Variants in TRDN observed in about 807,000 individuals in gnomAD.
The protein encoded by TRDN is triadin in skeletal muscle.
A neutral mutation model predicts 149.7 loss-of-function variants in TRDN; 161 were observed. The observed-to-expected ratio is 1.08, with a 90% CI of 0.95 to 1.23. The LOEUF (loss-of-function observed/expected upper bound fraction) is 1.23. TRDN is among the 50% of genes most tolerant of loss of function. The pLI is 0.00. For synonymous variants in TRDN, 294 were observed against 250.5 expected (o/e 1.17, Z -1.64); for missense variants, 896 against 823.5 (o/e 1.09, Z -1.08).
At chr6:123,275,718 C>T (rs1777346741) in intron 26 of TRDN, among the ~76,000 whole-genome samples, 1 of 152,016 alleles carries the variant, frequency 6.6e-6, no homozygotes. Context: ...GCCTAGATTG[C>T]TTTGAAGAGA....
At chr6:123,385,903 A>G (rs1012323491) in intron 14 of TRDN, among the ~76,000 whole-genome samples, 4 of 152,144 alleles carry the variant, frequency 2.6e-5, no homozygotes, top group African/African-American at 9.7e-5. Context: ...ATAACTTCCC[A>G]AACCTAAAAA....
chr6:123,243,243 G>C (rs1776054783), intron 38 of TRDN, among the ~76,000 whole-genome samples: 1 of 152,146 alleles, frequency 6.6e-6, no homozygotes, highest in Admixed American at 6.5e-5. Context: ...ACTGTGTTCT[G>C]CCCTGGGGCT....
intron 19 of TRDN, among the ~76,000 whole-genome samples, chr6:123,368,472 G>C (rs1781199378): frequency 3.9e-5 from 6 of 152,198 alleles, no homozygotes; most frequent in Admixed American, 3.9e-4. Context: ...GATATCTGGA[G>C]TGGGCAACAG....
intron 1 of TRDN, among the ~76,000 whole-genome samples, chr6:123,584,204 A>C (rs1374012049): frequency 3.3e-5 from 5 of 152,174 alleles, no homozygotes; most frequent in Non-Finnish European, 7.3e-5. Context: ...GAACAATGGT[A>C]ATTGTGGGAC....
chr6:123,279,990 A>G (rs1206633813), intron 24 of TRDN, among the ~76,000 whole-genome samples: 4 of 152,190 alleles, frequency 2.6e-5, no homozygotes, highest in Non-Finnish European at 4.4e-5. Context: ...ATTGAACATC[A>G]GACAACAAAG....
chr6:123,501,833 T>C (rs929025433), intron 8 of TRDN: 21 of 900,010 alleles, frequency 2.3e-5, no homozygotes, highest in Middle Eastern at 5.6e-4. Context: ...AGGGATATGG[T>C]AATATAATGC....
At chr6:123,552,862 CA>C (rs1157432823) in intron 2 of TRDN, among the ~76,000 whole-genome samples, 1 of 152,056 alleles carries the variant, frequency 6.6e-6, no homozygotes. Context: ...CTTGCTTTCC[CA>C]AAGTCACTAT....
intron 1 of TRDN, among the ~76,000 whole-genome samples, chr6:123,622,756 C>G (rs914687470): frequency 2.0e-5 from 3 of 151,954 alleles, no homozygotes; most frequent in Non-Finnish European, 2.9e-5. Context: ...TCAGTATTAC[C>G]TAACAACTTA....
intron 2 of TRDN, among the ~76,000 whole-genome samples, chr6:123,567,006 C>G (rs2114521753): frequency 6.6e-6 from 1 of 152,276 alleles, no homozygotes; most frequent in Admixed American, 6.5e-5. Context: ...ATAAGGCATA[C>G]TTATAGTTCA....
chr6:123,265,347 G>GA lies in TRDN; in HGVS notation c.1784-10dup, dbSNP rs1776904446. 41 of 1,383,124 alleles carry GA rather than the reference G, an allele frequency of 3.0e-5. No individual in the cohort carries two copies. The highest frequency in any genetic ancestry group is 4.0e-5 in the Non-Finnish European group (41 of 1,037,648). 85.7% of individuals were successfully genotyped at this position (1,383,124 alleles called of 1,614,324 possible). Reference sequence around the variant, plus strand: ...AGTTGGTTTTGGTTTGTCTAAAAAGGAAAAAAGAAAAAAAAAGAAAATGAG... The same window carrying GA: ...AGTTGGTTTTGGTTTGTCTAAAAAGGAAAAAAAGAAAAAAAAAGAAAATGAG... On this transcript the variant is annotated splice_polypyrimidine_tract_variant and intron_variant, in intron 32 of 40. Coordinates refer to ENST00000334268, the MANE Select transcript of TRDN (RefSeq NM_006073.4).
chr6:123,536,972 T>C (rs1376411687), intron 4 of TRDN, among the ~76,000 whole-genome samples: 2 of 152,006 alleles, frequency 1.3e-5, no homozygotes, highest in East Asian at 3.9e-4. Flanking sequence ...TCATGTACTG[T>C]TTTTTCTAGA....
intron 1 of TRDN, among the ~76,000 whole-genome samples, chr6:123,578,307 G>A (rs1562401492): frequency 6.6e-6 from 1 of 152,072 alleles, no homozygotes; most frequent in Non-Finnish European, 1.5e-5. Context: ...GTTGATTTTT[G>A]TATAAGGTGT....
intron 1 of TRDN, among the ~76,000 whole-genome samples, chr6:123,590,223 C>T (rs184996717): frequency 3.4e-4 from 51 of 152,218 alleles, no homozygotes; most frequent in African/African-American, 1.1e-3. Context: ...ACCGCCTGAG[C>T]TCCATCTCCT....
intron 2 of TRDN, among the ~76,000 whole-genome samples, chr6:123,561,229 A>G (rs1781977009): frequency 6.6e-6 from 1 of 152,142 alleles, no homozygotes; most frequent in Non-Finnish European, 1.5e-5. Context: ...AAATCACCCA[A>G]GCAGTTTTTC....
chr6:123,443,365 CT>C (rs1462907108), intron 10 of TRDN, among the ~76,000 whole-genome samples: 1 of 151,414 alleles, frequency 6.6e-6, no homozygotes, highest in African/African-American at 2.4e-5. Flanking sequence ...CAGGGTAAAC[CT>C]TTCTGAATGG....
In TRDN at chr6:123,267,718, G is replaced by C. The variant is rs774377499; in HGVS notation, c.1772C>G (p.Ser591Cys). Reference protein sequence around the residue: ...KAEHREREPPSIKTDKPKPTP... With the variant: ...KAEHREREPPCIKTDKPKPTP... ...AAATGGTAAAATACCTGTTTTTATA[G>C]ATGGAGGTTCTCTTTCTCGATGTTC... Residue 591 changes from serine to cysteine, a missense_variant, in exon 32 of 41, where the codon TCT becomes TGT. Transcript: ENST00000334268. 2 of 1,580,170 alleles carry C rather than the reference G, an allele frequency of 1.3e-6. No homozygotes were observed. Among genetic ancestry groups the C allele is most frequent in the East Asian group, 2.3e-5 (1 of 43,590 alleles).
rs551350444 is a variant in TRDN, at chr6:123,317,675, T to G, written c.1472-1180A>C. On this transcript the variant is annotated intron_variant, in intron 23 of 40. Transcript: ENST00000334268. ...TATGTGCCACAGTATTATAGAAAAT[T>G]TTGTTATTGTCTGTAATCACTCTTT... Among the ~76,000 whole-genome samples, 18 of 152,022 alleles carry G rather than the reference T, an allele frequency of 1.2e-4. No homozygotes were observed. In the East Asian group the frequency reaches 1.4e-3, roughly 11 times the overall value.
intron 5 of TRDN, among the ~76,000 whole-genome samples, chr6:123,524,525 G>A (rs1392516756): frequency 6.6e-6 from 1 of 152,018 alleles, no homozygotes; most frequent in Non-Finnish European, 1.5e-5. Context: ...TTTTAATGAG[G>A]AATTTATATC....
chr6:123,307,138 G>T (rs969640430), intron 24 of TRDN, among the ~76,000 whole-genome samples: 1 of 152,002 alleles, frequency 6.6e-6, no homozygotes, highest in African/African-American at 2.4e-5. Flanking sequence ...TCCGGATTTG[G>T]CAATAAATGT....
Sources: allele counts gnomAD v4.1 joint callset (sites outside exome capture counted in the v4.1 genomes callset), GRCh38; gene constraint gnomAD v4.1.1; transcripts MANE v1.5; gene names NCBI Gene and HGNC (gene_info 2026-07-23, HGNC 2026-07-21).